DSCAM: variants seen among roughly 807,000 people sequenced by gnomAD.
DSCAM encodes DS cell adhesion molecule, also known as cell adhesion molecule DSCAM.
DSCAM carries 47 observed loss-of-function variants against 217.7 expected under a neutral mutation model. The observed-to-expected ratio is 0.22, with a 90% confidence interval of 0.17 to 0.28. DSCAM has a LOEUF of 0.28. Ranked by LOEUF, DSCAM falls within the 10% of genes least tolerant of loss-of-function variation. The pLI is 1.00. For missense variants in DSCAM, 2,080 were observed against 2,618.3 expected, an observed-to-expected ratio of 0.79 and a Z score of 4.49; for synonymous variants, 1,056 against 1,015.3, an observed-to-expected ratio of 1.04 and a Z score of -0.76.
intron 1 of DSCAM, among the ~76,000 whole-genome samples, chr21:40,747,429 T>C (rs1228413953): frequency 6.6e-6 from 1 of 151,846 alleles, no homozygotes; most frequent in African/African-American, 2.4e-5. Flanking sequence ...TGTAAATTTC[T>C]ATATGCCAAG....
At chr21:40,364,301 G>A (rs1184778288) in intron 4 of DSCAM, among the ~76,000 whole-genome samples, 1 of 152,058 alleles carries the variant, frequency 6.6e-6, no homozygotes, top group Admixed American at 6.6e-5. Flanking sequence ...ATGATAGACT[G>A]GATTAAGAAA....
chr21:40,110,382 A>G (rs1193517088), intron 20 of DSCAM, among the ~76,000 whole-genome samples: 2 of 152,204 alleles, frequency 1.3e-5, no homozygotes, highest in African/African-American at 2.4e-5. Context: ...AAACTAACAA[A>G]CAGAAAGGAC....
chr21:40,699,146 A>G (rs1329598324), intron 2 of DSCAM, among the ~76,000 whole-genome samples: 2 of 152,010 alleles, frequency 1.3e-5, no homozygotes, highest in Non-Finnish European at 2.9e-5. Flanking sequence ...TAAAATCATT[A>G]TATCTGTTAC....
At chr21:40,291,249 C>T (rs560582805) in intron 10 of DSCAM, among the ~76,000 whole-genome samples, 1 of 152,364 alleles carries the variant, frequency 6.6e-6, no homozygotes, top group Non-Finnish European at 1.5e-5. Flanking sequence ...AACAGCTCTC[C>T]GGCTGAAATT....
intron 18 of DSCAM, among the ~76,000 whole-genome samples, chr21:40,139,096 T>C (rs944681494): frequency 2.1e-5 from 3 of 143,976 alleles, no homozygotes; most frequent in African/African-American, 7.8e-5. Flanking sequence ...ATGTGGGATG[T>C]GTGGTGTGGT....
chr21:40,075,104 C>T lies in DSCAM; in HGVS notation c.4821G>A (p.Leu1607=). The T allele has an allele frequency of 6.2e-7, 1 of 1,614,180 alleles. No homozygotes were observed. Among genetic ancestry groups the T allele is most frequent in the East Asian group, 2.2e-5 (1 of 44,870 alleles). The change falls in exon 27 of 33, where the codon TTG becomes TTA. Residue 1607 remains leucine (L), a synonymous_variant. Coordinates refer to ENST00000400454, the MANE Select transcript of DSCAM (RefSeq NM_001389.5). ...CAACCAGCAGGAGCACAAACAGCAGCAAGACCCCCACCAGGATACAGGAGA... is the reference window on the plus strand; with the variant it reads ...CAACCAGCAGGAGCACAAACAGCAGTAAGACCCCCACCAGGATACAGGAGA... ...VTISCILVGV[L]LLFVLLLVVR...
intron 3 of DSCAM, among the ~76,000 whole-genome samples, chr21:40,459,488 G>A (rs1034197284): frequency 2.6e-5 from 4 of 152,134 alleles, no homozygotes; most frequent in African/African-American, 9.7e-5. Context: ...TAAATAGGTT[G>A]CCTAAGTATG....
chr21:40,518,694 A>G (rs770863472), intron 3 of DSCAM, among the ~76,000 whole-genome samples: 6 of 142,782 alleles, frequency 4.2e-5, no homozygotes, highest in East Asian at 2.1e-4. Flanking sequence ...ATATATATGT[A>G]TATATATATA....
At chr21:40,321,005 G>A (rs2074253540) in intron 8 of DSCAM, among the ~76,000 whole-genome samples, 1 of 152,180 alleles carries the variant, frequency 6.6e-6, no homozygotes, top group African/African-American at 2.4e-5. Context: ...GTTAATGAGG[G>A]TGGATATCAC....
At position 40,672,716 on chromosome 21, in the gene DSCAM, TAG is replaced by T. The variant is rs561839868; in HGVS notation, c.508+20092_508+20093del. On this transcript the variant is annotated intron_variant, in intron 3 of 32. Coordinates refer to ENST00000400454, the MANE Select transcript of DSCAM (RefSeq NM_001389.5). ...ATTTCTGATTGATAACCTTAAATAA[TAG>T]AGTTTCCACACCTATTGATGGTACC... 5.5e-3 allele frequency among the ~76,000 whole-genome samples: 836 copies of T among 152,260 alleles called. 5 individuals are homozygous for T. Among genetic ancestry groups the T allele is most frequent in the Middle Eastern group, 0.014 (4 of 294 alleles).
At chr21:40,484,937 T>C (rs1482522238) in intron 3 of DSCAM, among the ~76,000 whole-genome samples, 1 of 152,216 alleles carries the variant, frequency 6.6e-6, no homozygotes, top group Non-Finnish European at 1.5e-5. Context: ...CTTCCTGCTC[T>C]GTCATGGAGG....
At chr21:40,766,939 G>C (rs2091398476) in intron 1 of DSCAM, among the ~76,000 whole-genome samples, 1 of 152,122 alleles carries the variant, frequency 6.6e-6, no homozygotes, top group Non-Finnish European at 1.5e-5. Flanking sequence ...ACCCGCCTTG[G>C]CCTCCCAAAG....
intron 20 of DSCAM, among the ~76,000 whole-genome samples, chr21:40,100,635 CT>C (rs34909847): frequency 0.084 from 11,011 of 131,778 alleles, 1,098 homozygotes; most frequent in African/African-American, 0.25. Context: ...GACTCTGAAT[CT>C]TTTTTTTTTT....
chr21:40,660,008 G>C (rs2090122021), intron 3 of DSCAM, among the ~76,000 whole-genome samples: 1 of 152,194 alleles, frequency 6.6e-6, no homozygotes, highest in South Asian at 2.1e-4. Context: ...AGCAATACTA[G>C]CAGTGGTCAT....
chr21:40,294,469 C>G (rs2073931140), intron 10 of DSCAM, among the ~76,000 whole-genome samples: 1 of 152,200 alleles, frequency 6.6e-6, no homozygotes, highest in South Asian at 2.1e-4. Flanking sequence ...CCCACCCATA[C>G]TGTTGGTGGC....
At chr21:40,537,602 A>C (rs1021975084) in intron 3 of DSCAM, among the ~76,000 whole-genome samples, 1 of 152,222 alleles carries the variant, frequency 6.6e-6, no homozygotes, top group African/African-American at 2.4e-5. Flanking sequence ...ATAGTAGAGT[A>C]GGACGGGTCC....
chr21:40,499,498 T>G (rs538237577), intron 3 of DSCAM, among the ~76,000 whole-genome samples: 10 of 152,306 alleles, frequency 6.6e-5, no homozygotes, highest in African/African-American at 2.4e-4. Context: ...TGTTCTTATT[T>G]AAGAAGGCAC....
intron 3 of DSCAM, among the ~76,000 whole-genome samples, chr21:40,394,801 G>A (rs1371758726): frequency 1.3e-5 from 2 of 152,142 alleles, no homozygotes; most frequent in African/African-American, 4.8e-5. Context: ...CTGTAGAACC[G>A]AAGGCATACC....
intron 1 of DSCAM, among the ~76,000 whole-genome samples, chr21:40,815,234 A>T (rs2091870468): frequency 6.6e-6 from 1 of 152,022 alleles, no homozygotes; most frequent in African/African-American, 2.4e-5. Flanking sequence ...TCACTTGGTC[A>T]TTTTCTCAGA....
Sources: gnomAD v4.1 joint callset for allele counts (sites outside exome capture counted in the v4.1 genomes callset) on GRCh38, gnomAD v4.1.1 for gene constraint, MANE v1.5 for transcripts, NCBI Gene and HGNC (gene_info 2026-07-23, HGNC 2026-07-21) for gene names.